The following MGAT4C variants were observed in gnomAD, a reference collection of about 807,000 sequenced individuals.
MGAT4C encodes MGAT4 family member C.
Under a neutral mutation model 40.1 loss-of-function variants are expected in MGAT4C, and 19 were observed. That is an observed-to-expected ratio of 0.47 (90% confidence interval 0.33 to 0.70). The LOEUF (loss-of-function observed/expected upper bound fraction) is 0.70. Ranked by LOEUF, MGAT4C falls within the 30% of genes least tolerant of loss-of-function variation. The pLI is 0.02. For synonymous variants in MGAT4C, 181 were observed against 187.1 expected (o/e 0.97, Z 0.27); for missense variants, 491 against 563.2 (o/e 0.87, Z 1.30).
chr12:86,053,194 C>T (rs186273590), intron 1 of MGAT4C, among the ~76,000 whole-genome samples: 1,514 of 151,260 alleles, frequency 0.01, 87 homozygotes, highest in Non-Finnish European at 3.0e-3. Context: ...TAAATATATA[C>T]AAGAAGCTTT....
chr12:86,359,983 G>A (rs1000295453), intron 3 of MGAT4C, among the ~76,000 whole-genome samples: 1 of 152,086 alleles, frequency 6.6e-6, no homozygotes, highest in Non-Finnish European at 1.5e-5. Context: ...CTTTTTATGA[G>A]GCCAGCATCA....
At chr12:86,670,989 C>T (rs1457807456) in intron 2 of MGAT4C, among the ~76,000 whole-genome samples, 1 of 152,140 alleles carries the variant, frequency 6.6e-6, no homozygotes, top group Non-Finnish European at 1.5e-5. Context: ...AAACAAAAGA[C>T]TTCATTCTAT....
At chr12:86,764,919 A>C (rs960291146) in intron 1 of MGAT4C, among the ~76,000 whole-genome samples, 1 of 152,106 alleles carries the variant, frequency 6.6e-6, no homozygotes, top group African/African-American at 2.4e-5. Context: ...ATGGGGAAAA[A>C]ACAGAGCAGA....
intron 2 of MGAT4C, among the ~76,000 whole-genome samples, chr12:86,444,055 G>T (rs571312203): frequency 6.6e-6 from 1 of 151,962 alleles, no homozygotes; most frequent in Non-Finnish European, 1.5e-5. Context: ...TACTTCATTT[G>T]TCTCTCTAGT....
At chr12:86,808,836 C>A (rs182814842) in intron 1 of MGAT4C, among the ~76,000 whole-genome samples, 295 of 152,114 alleles carry the variant, frequency 1.9e-3, no homozygotes, top group African/African-American at 6.9e-3. Flanking sequence ...GAGAGGAAGT[C>A]AAATTGTCTT....
At chr12:86,154,611 AT>A (rs1227322242) in intron 1 of MGAT4C, among the ~76,000 whole-genome samples, 1 of 152,176 alleles carries the variant, frequency 6.6e-6, no homozygotes, top group Admixed American at 6.5e-5. Context: ...TGCACAGTGA[AT>A]CTGCCCAACG....
intron 1 of MGAT4C, among the ~76,000 whole-genome samples, chr12:86,774,345 C>CTT (rs1951708548): frequency 1.3e-4 from 2 of 14,918 alleles, no homozygotes; most frequent in South Asian, 2.5e-3. Context: ...CTTTCTGTCT[C>CTT]TCTCTCTCCC....
chr12:86,557,980 T>G (rs1427496302), intron 2 of MGAT4C, among the ~76,000 whole-genome samples: 2 of 151,210 alleles, frequency 1.3e-5, no homozygotes, highest in East Asian at 3.9e-4. Context: ...CAGAAAAAAA[T>G]TCTAAGCTGA....
At chr12:86,497,570 G>T (rs1420829451) in intron 2 of MGAT4C, among the ~76,000 whole-genome samples, 1 of 151,652 alleles carries the variant, frequency 6.6e-6, no homozygotes, top group African/African-American at 2.4e-5. Context: ...AGACAGTAAA[G>T]CTAGAAGCTA....
intron 1 of MGAT4C, among the ~76,000 whole-genome samples, chr12:86,804,825 A>G (rs1055942218): frequency 6.6e-6 from 1 of 152,024 alleles, no homozygotes; most frequent in African/African-American, 2.4e-5. Context: ...TTTTGAGAAT[A>G]AATTCACAAT....
chr12:86,553,019 A>C (rs1959441294), intron 2 of MGAT4C, among the ~76,000 whole-genome samples: 3 of 152,086 alleles, frequency 2.0e-5, no homozygotes, highest in Non-Finnish European at 2.9e-5. Flanking sequence ...TTAGTGATGA[A>C]GAATACAGAA....
At chr12:86,317,876 C>T (rs1954283900) in intron 4 of MGAT4C, among the ~76,000 whole-genome samples, 2 of 150,984 alleles carry the variant, frequency 1.3e-5, no homozygotes, top group Admixed American at 6.7e-5. Context: ...TACTAGATGG[C>T]AAACTCAAGT....
intron 1 of MGAT4C, among the ~76,000 whole-genome samples, chr12:86,104,852 G>A (rs1368924954): frequency 4.4e-5 from 4 of 91,144 alleles, no homozygotes; most frequent in East Asian, 1.2e-3. Flanking sequence ...AAAATTACAC[G>A]GCAAACCTGA....
intron 4 of MGAT4C, among the ~76,000 whole-genome samples, chr12:86,282,931 G>C (rs1953256338): frequency 6.6e-6 from 1 of 152,022 alleles, no homozygotes; most frequent in South Asian, 2.1e-4. Context: ...GTGTCTTCTA[G>C]CACTATGAAA....
intron 3 of MGAT4C, among the ~76,000 whole-genome samples, chr12:86,427,971 G>T (rs1047460208): frequency 6.6e-6 from 1 of 152,008 alleles, no homozygotes; most frequent in African/African-American, 2.4e-5. Flanking sequence ...TGTGAGCTGA[G>T]ATCGTGTCCC....
intron 2 of MGAT4C, among the ~76,000 whole-genome samples, chr12:86,722,676 T>C (rs1390306591): frequency 6.6e-6 from 1 of 152,166 alleles, no homozygotes; most frequent in Non-Finnish European, 1.5e-5. Context: ...TTGGCTGTTG[T>C]TACTAAAAGA....
intron 2 of MGAT4C, among the ~76,000 whole-genome samples, chr12:86,634,169 G>C (rs1239757512): frequency 6.6e-6 from 1 of 152,086 alleles, no homozygotes; most frequent in Non-Finnish European, 1.5e-5. Flanking sequence ...ACTAAAAGCA[G>C]TTCTGATTAT....
intron 2 of MGAT4C, among the ~76,000 whole-genome samples, chr12:86,472,599 T>G (rs1032333709): frequency 6.6e-6 from 1 of 152,178 alleles, no homozygotes; most frequent in African/African-American, 2.4e-5. Flanking sequence ...CTTACTATTA[T>G]AGATTTTTTT....
intron 1 of MGAT4C, among the ~76,000 whole-genome samples, chr12:86,814,286 ATATATATACATATACGTATATATATACG>A (rs1566008930): frequency 0.028 from 853 of 30,710 alleles, 45 homozygotes; most frequent in Middle Eastern, 0.1. Context: ...ATATATATAC[ATATATATACATATACGTATATATATACG>A]TATATATACA....
Sources: allele counts gnomAD v4.1 joint callset (sites outside exome capture counted in the v4.1 genomes callset), GRCh38; gene constraint gnomAD v4.1.1; transcripts MANE v1.5; gene names NCBI Gene and HGNC (gene_info 2026-07-23, HGNC 2026-07-21).